Variants in NMNAT2 observed in about 807,000 individuals in gnomAD.
NMNAT2 encodes nicotinamide nucleotide adenylyltransferase 2, also known as nicotinamide/nicotinic acid mononucleotide adenylyltransferase 2.
NMNAT2 carries 11 observed loss-of-function variants against 41.6 expected under a neutral mutation model. The observed-to-expected ratio is 0.26, with a 90% CI of 0.17 to 0.44. The LOEUF is 0.44. Ranked by LOEUF, NMNAT2 falls within the 20% of genes least tolerant of loss-of-function variation. The pLI, the probability that NMNAT2 is intolerant of heterozygous loss-of-function variation, is 1.00. For synonymous variants in NMNAT2, 148 were observed against 151.2 expected (o/e 0.98, Z 0.16); for missense variants, 288 against 407.7 (o/e 0.71, Z 2.53).
intron 1 of NMNAT2, among the ~76,000 whole-genome samples, chr1:183,413,467 G>A (rs12738585): frequency 1.7e-3 from 253 of 152,272 alleles, no homozygotes; most frequent in Non-Finnish European, 2.4e-3. Flanking sequence ...GCCTAAGCAT[G>A]AGACTCTACT....
At chr1:183,343,231 A>G (rs1258802221) in intron 1 of NMNAT2, among the ~76,000 whole-genome samples, 1 of 152,158 alleles carries the variant, frequency 6.6e-6, no homozygotes. Flanking sequence ...TGAATTTCTC[A>G]AATAGATATC....
At chr1:183,267,394 C>T (rs920973868) in intron 8 of NMNAT2, 2 of 152,190 alleles carry the variant, frequency 1.3e-5, no homozygotes, top group Non-Finnish European at 2.9e-5. Context: ...TAGCATGTGT[C>T]GAGGGGCTGC....
intron 8 of NMNAT2, among the ~76,000 whole-genome samples, chr1:183,274,827 T>C (rs1230087972): frequency 7.0e-6 from 1 of 141,918 alleles, no homozygotes; most frequent in Non-Finnish European, 1.6e-5. Flanking sequence ...GGAGAGAAAA[T>C]AGGGAAGATG....
At chr1:183,368,507 T>C (rs1357395200) in intron 1 of NMNAT2, among the ~76,000 whole-genome samples, 2 of 152,126 alleles carry the variant, frequency 1.3e-5, no homozygotes, top group Non-Finnish European at 2.9e-5. Context: ...TGGGGAGAAT[T>C]ACATAAAGAA....
At chr1:183,370,100 A>G (rs1308371665) in intron 1 of NMNAT2, among the ~76,000 whole-genome samples, 3 of 152,120 alleles carry the variant, frequency 2.0e-5, no homozygotes, top group Non-Finnish European at 4.4e-5. Flanking sequence ...CAACCTGATC[A>G]GAAGCAGAAG....
chr1:183,280,854 C>T (rs1263257465), intron 7 of NMNAT2, among the ~76,000 whole-genome samples: 4 of 132,230 alleles, frequency 3.0e-5, no homozygotes, highest in Admixed American at 8.5e-5. Context: ...GCGTGATCTC[C>T]GGCTCACCGC....
intron 8 of NMNAT2, among the ~76,000 whole-genome samples, chr1:183,262,663 T>C (rs1660692264): frequency 6.6e-6 from 1 of 152,230 alleles, no homozygotes; most frequent in Non-Finnish European, 1.5e-5. Flanking sequence ...AATGATATAA[T>C]TGGATAAAAG....
intron 1 of NMNAT2, among the ~76,000 whole-genome samples, chr1:183,360,952 C>A (rs1663294353): frequency 6.6e-6 from 1 of 152,144 alleles, no homozygotes; most frequent in African/African-American, 2.4e-5. Flanking sequence ...TTTATTTACC[C>A]TAGCTCTCCA....
At chr1:183,365,284 G>A (rs1054251287) in intron 1 of NMNAT2, among the ~76,000 whole-genome samples, 4 of 152,082 alleles carry the variant, frequency 2.6e-5, no homozygotes, top group Non-Finnish European at 5.9e-5. Context: ...ACCACAGAAC[G>A]GTGGCACAGA....
At chr1:183,369,652 C>T (rs534065139) in intron 1 of NMNAT2, among the ~76,000 whole-genome samples, 6 of 152,108 alleles carry the variant, frequency 3.9e-5, no homozygotes, top group East Asian at 1.9e-4. Context: ...GCAAACAGTT[C>T]GGTGGCATTA....
intron 7 of NMNAT2, among the ~76,000 whole-genome samples, chr1:183,280,242 T>C (rs185362286): frequency 6.6e-6 from 1 of 152,274 alleles, no homozygotes; most frequent in Admixed American, 6.5e-5. Context: ...GGGTTCTAGG[T>C]CAGTTCTCTG....
intron 1 of NMNAT2, among the ~76,000 whole-genome samples, chr1:183,346,797 A>G (rs754450980): frequency 5.3e-5 from 8 of 152,332 alleles, no homozygotes; most frequent in Middle Eastern, 3.4e-3. Context: ...CTAGAATCAC[A>G]AATAAATGCC....
intron 1 of NMNAT2, among the ~76,000 whole-genome samples, chr1:183,389,699 G>A (rs1217995021): frequency 1.4e-5 from 2 of 147,988 alleles, no homozygotes; most frequent in Admixed American, 6.9e-5. Flanking sequence ...TCATGCCATT[G>A]CACTCCAGCC....
At chr1:183,389,752 GAAAGAAAGAAAGAAAGAAAGAAA>G (rs1648385566) in intron 1 of NMNAT2, among the ~76,000 whole-genome samples, 2 of 22,054 alleles carry the variant, frequency 9.1e-5, no homozygotes, top group Non-Finnish European at 1.6e-4. Flanking sequence ...AAGAAAGAAA[GAAAGAAAGAAAGAAAGAAAGAAA>G]GAAAGAAAGA....
At chr1:183,337,374 C>A (rs1209285621) in intron 1 of NMNAT2, among the ~76,000 whole-genome samples, 2 of 151,866 alleles carry the variant, frequency 1.3e-5, no homozygotes, top group Non-Finnish European at 1.5e-5. Flanking sequence ...GATGAAAATA[C>A]AACAACAAAT....
intron 1 of NMNAT2, among the ~76,000 whole-genome samples, chr1:183,307,289 G>A (rs1662014809): frequency 6.7e-6 from 1 of 149,682 alleles, no homozygotes; most frequent in African/African-American, 2.4e-5. Flanking sequence ...CTCTTTAAGT[G>A]AAACCAAACA....
At chr1:183,380,664 A>G (rs887646092) in intron 1 of NMNAT2, among the ~76,000 whole-genome samples, 5 of 152,194 alleles carry the variant, frequency 3.3e-5, no homozygotes, top group African/African-American at 1.2e-4. Context: ...AAAAAGTAAT[A>G]TCTCTCCTTC....
At chr1:183,385,099 G>C (rs866443921) in intron 1 of NMNAT2, among the ~76,000 whole-genome samples, 28 of 151,942 alleles carry the variant, frequency 1.8e-4, no homozygotes, top group African/African-American at 6.5e-4. Flanking sequence ...CAACTTGGGA[G>C]GCTCAGGCAG....
At chr1:183,375,390 TC>T (rs1012462314) in intron 1 of NMNAT2, among the ~76,000 whole-genome samples, 1 of 152,088 alleles carries the variant, frequency 6.6e-6, no homozygotes, top group Non-Finnish European at 1.5e-5. Flanking sequence ...CACACCCTAC[TC>T]CCCACTTACT....
Sources: gnomAD v4.1 joint callset for allele counts (sites outside exome capture counted in the v4.1 genomes callset) on GRCh38, gnomAD v4.1.1 for gene constraint, MANE v1.5 for transcripts, NCBI Gene and HGNC (gene_info 2026-07-23, HGNC 2026-07-21) for gene names.